The following PLD1 variants were observed in gnomAD, a reference collection of about 807,000 sequenced individuals.
PLD1 encodes the protein choline phosphatase 1.
Under a neutral mutation model 137.1 loss-of-function variants are expected in PLD1, and 112 were observed. The observed-to-expected ratio is 0.82, with a 90% CI of 0.70 to 0.96. The LOEUF (loss-of-function observed/expected upper bound fraction) is 0.96, where lower values mean the gene tolerates loss of function less well. PLD1 is among the 40% of genes least tolerant of loss of function. The pLI is 0.00. For missense variants in PLD1, 1,321 were observed against 1,342.0 expected (o/e 0.98, Z 0.24); for synonymous variants, 431 against 454.7 (o/e 0.95, Z 0.66).
chr3:171,604,507 C>T (rs529401210), intron 26 of PLD1, among the ~76,000 whole-genome samples: 2 of 151,982 alleles, frequency 1.3e-5, no homozygotes, highest in Admixed American at 1.3e-4. Flanking sequence ...ACAGACTTAT[C>T]CAACTTCTCA....
chr3:171,766,744 G>A (rs1354713487), intron 1 of PLD1, among the ~76,000 whole-genome samples: 1 of 152,040 alleles, frequency 6.6e-6, no homozygotes, highest in East Asian at 1.9e-4. Context: ...TTCCTTTTGT[G>A]ATTTCCTCTA....
chr3:171,763,197 C>T (rs999365072), intron 1 of PLD1, among the ~76,000 whole-genome samples: 2 of 151,916 alleles, frequency 1.3e-5, no homozygotes, highest in Non-Finnish European at 2.9e-5. Context: ...GTTGTCTCTG[C>T]TCATTTATGA....
At chr3:171,727,630 G>A (rs1272146858) in intron 6 of PLD1, among the ~76,000 whole-genome samples, 3 of 152,086 alleles carry the variant, frequency 2.0e-5, no homozygotes, top group Admixed American at 2.0e-4. Flanking sequence ...CCTCAATGAA[G>A]TTCTGTGGGA....
At position 171,699,793 on chromosome 3, in the gene PLD1, C is replaced by T; in HGVS notation, c.1179G>A (p.Val393=). The T allele has an allele frequency of 6.2e-7, 1 of 1,613,990 alleles. No homozygotes were observed. Among genetic ancestry groups the T allele is most frequent in the Non-Finnish European group, 8.5e-7 (1 of 1,179,898 alleles). The change falls in exon 12 of 27, where the codon GTG becomes GTA. Residue 393 remains valine (V), a synonymous_variant. Transcript: ENST00000351298. ...LSPEIFLKRP[V]VEGNRWRLDC... ...CCAACCTCCAACGATTTCCCTCAAC[C>T]ACTGGGCGTTTCAGGAAGATTTCTG... is the stretch of plus-strand genomic sequence containing the variant.
chr3:171,651,558 C>A (rs921768169), intron 21 of PLD1, among the ~76,000 whole-genome samples: 1 of 152,276 alleles, frequency 6.6e-6, no homozygotes, highest in Non-Finnish European at 1.5e-5. Flanking sequence ...CTATTTAGCA[C>A]TGACTTTACC....
intron 21 of PLD1, among the ~76,000 whole-genome samples, chr3:171,646,073 T>C (rs907935177): frequency 6.6e-6 from 1 of 152,096 alleles, no homozygotes; most frequent in East Asian, 1.9e-4. Context: ...TTGACGGGCA[T>C]TCAGAAAATC....
intron 25 of PLD1, among the ~76,000 whole-genome samples, chr3:171,608,923 A>T (rs78569774): frequency 0.034 from 5,163 of 152,240 alleles, 320 homozygotes; most frequent in African/African-American, 0.12. Flanking sequence ...GAATTGAAAA[A>T]TTTCCCCCAA....
intron 21 of PLD1, chr3:171,653,724 A>G (rs1452274823): frequency 6.6e-6 from 1 of 152,264 alleles, no homozygotes; most frequent in Non-Finnish European, 1.5e-5. Flanking sequence ...AGTGAACAAC[A>G]TATTTCCAGA....
rs139295652 is a variant in PLD1, at chr3:171,616,209, T to C, written c.2729-3777A>G. 3.7e-4 allele frequency among the ~76,000 whole-genome samples: 57 copies of C among 152,348 alleles called. No individual in the cohort carries two copies. In the East Asian group the frequency reaches 4.8e-3, roughly 13 times the overall value. ...TTATAGGAGTTCTTTATGTGTTCTG[T>C]GTATTAAATGGGTTGCAAATATTTC... On this transcript the variant is annotated intron_variant, in intron 24 of 26. Transcript: ENST00000351298.
intron 20 of PLD1, among the ~76,000 whole-genome samples, chr3:171,660,828 G>A (rs1477734183): frequency 6.6e-6 from 1 of 151,876 alleles, no homozygotes; most frequent in Non-Finnish European, 1.5e-5. Flanking sequence ...GGCTGGTCTC[G>A]AGCTGCTGAC....
rs1560289238 is a variant in PLD1, at chr3:171,764,929, GAAAGGAAA to G, written c.-31-26855_-31-26848del. ...GAAGGAAGGAAAGAAAGAAAGGAAAGAAAGGAAAGAAAGAAAGAAAGAAAGAAAGAAAG... is the reference window on the plus strand; with the variant it reads ...GAAGGAAGGAAAGAAAGAAAGGAAAGGAAAGAAAGAAAGAAAGAAAGAAAG... On this transcript the variant is annotated intron_variant, in intron 1 of 26. Coordinates refer to ENST00000351298, the MANE Select transcript of PLD1 (RefSeq NM_002662.5). Among the ~76,000 whole-genome samples, 70 of 12,846 alleles carry G rather than the reference GAAAGGAAA, an allele frequency of 5.4e-3. 16 individuals carry two copies. The highest frequency in any genetic ancestry group is 8.9e-3 in the African/African-American group (29 of 3,274). 8.4% of individuals were successfully genotyped at this position (12,846 alleles called of 152,430 possible).
rs765463616 is a variant in PLD1, at chr3:171,709,625, G to C, written c.996C>G (p.Thr332=). The C allele has an allele frequency of 3.1e-6, 5 of 1,613,640 alleles. No homozygotes were observed. In the African/African-American group the frequency reaches 5.3e-5, roughly 17 times the overall value. Residue 332 remains threonine (T), a synonymous_variant, in exon 10 of 27, where the codon ACC becomes ACG. Coordinates refer to ENST00000351298, the MANE Select transcript of PLD1 (RefSeq NM_002662.5). Reference sequence around the variant, plus strand: ...CAAATCGATGATCTTTGAGAAAGTTGGTGCCATGTTTCTGGATGAATTCTT... The same window carrying C: ...CAAATCGATGATCTTTGAGAAAGTTCGTGCCATGTTTCTGGATGAATTCTT... The part of the protein sequence containing the change: ...AIEEFIQKHG[T]NFLKDHRFGS...
In PLD1 at chr3:171,715,458, T is replaced by C. The variant is rs923173842; in HGVS notation, c.759-1413A>G. Among the ~76,000 whole-genome samples the C allele has an allele frequency of 2.0e-5, 3 of 152,234 alleles. No individual in the cohort carries two copies. In the South Asian group the frequency reaches 6.2e-4, roughly 32 times the overall value. On this transcript the variant is annotated intron_variant, in intron 8 of 26. Coordinates refer to ENST00000351298, the MANE Select transcript of PLD1 (RefSeq NM_002662.5). Reference sequence around the variant, plus strand: ...AGGATTGCTTTGGCTGTTCAGGGTCTTTTGTTGTTTTATGTGAATTTTAGG... The same window carrying C: ...AGGATTGCTTTGGCTGTTCAGGGTCCTTTGTTGTTTTATGTGAATTTTAGG...
In PLD1 at chr3:171,735,561, T is replaced by C. The variant is rs1364063156; in HGVS notation, c.365A>G (p.His122Arg). 2 of 1,607,728 alleles carry C rather than the reference T, an allele frequency of 1.2e-6. No individual in the cohort carries two copies. Among genetic ancestry groups the C allele is most frequent in the East Asian group, 2.2e-5 (1 of 44,862 alleles). Residue 122 changes from histidine (H) to arginine (R), a missense_variant, in exon 4 of 27, where the codon CAT becomes CGT. His to Arg is a conservative substitution (Grantham distance 29). Transcript: ENST00000351298. ...FKWQVKRKFKHFQEFHRELLK... is the reference protein window; with the variant it reads ...FKWQVKRKFKRFQEFHRELLK... ...CAGCTCTCTGTGAAATTCTTGAAAA[T>C]GCTTGAATTTCCTCTTAACTTGCCA...
intron 6 of PLD1, among the ~76,000 whole-genome samples, chr3:171,726,407 G>A (rs898411005): frequency 6.6e-6 from 1 of 152,130 alleles, no homozygotes; most frequent in Non-Finnish European, 1.5e-5. Context: ...GATGGATATT[G>A]TGTGGCACAG....
At chr3:171,630,270 C>T (rs1734544698) in intron 23 of PLD1, among the ~76,000 whole-genome samples, 1 of 151,540 alleles carries the variant, frequency 6.6e-6, no homozygotes, top group South Asian at 2.1e-4. Context: ...AAAATGCTCA[C>T]CATCACTGGC....
intron 11 of PLD1, among the ~76,000 whole-genome samples, chr3:171,704,458 G>GAA (rs34861885): frequency 0.036 from 3,425 of 95,142 alleles, 83 homozygotes; most frequent in African/African-American, 0.044. Context: ...AAAGAACCAG[G>GAA]AAAAAAAAAA....
intron 1 of PLD1, among the ~76,000 whole-genome samples, chr3:171,801,363 G>A (rs550846108): frequency 3.3e-5 from 5 of 152,344 alleles, no homozygotes; most frequent in South Asian, 4.1e-4. Context: ...AACCTACCCC[G>A]TGTATCTGGT....
chr3:171,639,880 G>A (rs1735596210), intron 23 of PLD1, among the ~76,000 whole-genome samples: 1 of 126,752 alleles, frequency 7.9e-6, no homozygotes, highest in Non-Finnish European at 1.6e-5. Flanking sequence ...TATTGGTTCT[G>A]TTTCTTGAGG....
Sources: allele counts gnomAD v4.1 joint callset (sites outside exome capture counted in the v4.1 genomes callset), GRCh38; gene constraint gnomAD v4.1.1; transcripts MANE v1.5; gene names NCBI Gene and HGNC (gene_info 2026-07-23, HGNC 2026-07-21).